Variants in CDYL observed in about 807,000 individuals in gnomAD.
CDYL encodes chromodomain Y like.
A neutral mutation model predicts 47.3 loss-of-function variants in CDYL; 8 were observed. The observed-to-expected ratio is 0.17, with a 90% CI of 0.10 to 0.31. The LOEUF (loss-of-function observed/expected upper bound fraction) is 0.31, where lower values mean the gene tolerates loss of function less well. Among genes scored for constraint, CDYL ranks in the 10% least tolerant of loss-of-function variants. CDYL has a pLI of 1.00. For synonymous variants in CDYL, 266 were observed against 265.0 expected (o/e 1.00, Z -0.04); for missense variants, 471 against 701.4 (o/e 0.67, Z 3.71).
intron 2 of CDYL, among the ~76,000 whole-genome samples, chr6:4,916,846 C>T (rs1561707197): frequency 1.3e-5 from 2 of 152,162 alleles, no homozygotes; most frequent in African/African-American, 2.4e-5. Context: ...TCATGCTGGG[C>T]AGGTACCCCG....
Position 4,755,215 on chromosome 6 carries a change from C to T in CDYL, c.186+20371C>T, listed in dbSNP as rs1013988045. 3.1e-4 allele frequency among the ~76,000 whole-genome samples: 47 copies of T among 150,312 alleles called. 1 individual carries two copies. Among genetic ancestry groups the T allele is most frequent in the African/African-American group, 1.1e-3 (45 of 40,164 alleles). ...AGCTGGGATTACAGGTGCCCGCCAC[C>T]ATGCCCACCTAATTTTTTTTTTTTT... On this transcript the variant is annotated intron_variant, in intron 3 of 8. Transcript: ENST00000328908.
chr6:4,759,923 A>AAAGAAG lies in CDYL; in HGVS notation c.186+25085_186+25090dup, dbSNP rs1444094906. On this transcript the variant is annotated intron_variant, in intron 3 of 8. Transcript: ENST00000328908. ...AAAAAAAAAAAAAAAAAAAAAAAAAAAAGAAGAAGAAAGAAAAGAAAAGAA... is the reference window on the plus strand; with the variant it reads ...AAAAAAAAAAAAAAAAAAAAAAAAAAAAGAAGAAGAAGAAGAAAGAAAAGAAAAGAA... Among the ~76,000 whole-genome samples the AAAGAAG allele has an allele frequency of 1.3e-4, 15 of 118,106 alleles. 2 individuals are homozygous for AAAGAAG. Among genetic ancestry groups the AAAGAAG allele is most frequent in the African/African-American group, 4.8e-4 (13 of 27,336 alleles). 77.5% of individuals were successfully genotyped at this position (118,106 alleles called of 152,430 possible).
chr6:4,719,115 G>C (rs1561821521), intron 2 of CDYL, among the ~76,000 whole-genome samples: 1 of 151,674 alleles, frequency 6.6e-6, no homozygotes, highest in African/African-American at 2.4e-5. Flanking sequence ...AGTAGAGATG[G>C]AGTTTTGCCA....
chr6:4,866,629 G>A (rs1375419180), intron 1 of CDYL, among the ~76,000 whole-genome samples: 1 of 152,072 alleles, frequency 6.6e-6, no homozygotes, highest in Non-Finnish European at 1.5e-5. Context: ...GGAAAAAATG[G>A]TTGTATTATA....
At chr6:4,720,494 A>C (rs1376006708) in intron 2 of CDYL, among the ~76,000 whole-genome samples, 1 of 152,202 alleles carries the variant, frequency 6.6e-6, no homozygotes, top group Non-Finnish European at 1.5e-5. Flanking sequence ...ATATTTGGAA[A>C]ATAATATTAA....
chr6:4,843,287 G>A (rs549826870), intron 1 of CDYL, among the ~76,000 whole-genome samples: 2 of 152,222 alleles, frequency 1.3e-5, no homozygotes, highest in African/African-American at 2.4e-5. Context: ...CCTGATGACA[G>A]CGTGCCTAAG....
intron 1 of CDYL, among the ~76,000 whole-genome samples, chr6:4,777,026 G>GGT (rs915123600): frequency 7.4e-5 from 11 of 149,200 alleles, no homozygotes; most frequent in Non-Finnish European, 1.7e-4. Flanking sequence ...CGTGGGGTGG[G>GGT]GGGGGGGGTC....
At chr6:4,930,284 C>G (rs1230329994) in intron 2 of CDYL, among the ~76,000 whole-genome samples, 6 of 152,218 alleles carry the variant, frequency 3.9e-5, no homozygotes, top group Admixed American at 6.5e-5. Flanking sequence ...ATTGGTTCAG[C>G]AAAGACTCAA....
At chr6:4,824,526 TG>T (rs1759925831) in intron 1 of CDYL, among the ~76,000 whole-genome samples, 1 of 152,256 alleles carries the variant, frequency 6.6e-6, no homozygotes, top group Non-Finnish European at 1.5e-5. Flanking sequence ...ATGTCTTCTT[TG>T]GAGAAATGTC....
intron 1 of CDYL, among the ~76,000 whole-genome samples, chr6:4,788,765 T>C (rs1273431060): frequency 1.3e-5 from 2 of 151,670 alleles, no homozygotes; most frequent in Non-Finnish European, 2.9e-5. Context: ...GTAATTCATA[T>C]CTAGTGTGAC....
chr6:4,938,485 T>C (rs1270182241), intron 4 of CDYL, among the ~76,000 whole-genome samples: 2 of 152,224 alleles, frequency 1.3e-5, no homozygotes, highest in African/African-American at 4.8e-5. Flanking sequence ...TATATACTTA[T>C]AGTGTACAAC....
chr6:4,889,812 A>G (rs1462610849), intron 1 of CDYL, among the ~76,000 whole-genome samples: 1 of 152,154 alleles, frequency 6.6e-6, no homozygotes, highest in Non-Finnish European at 1.5e-5. Context: ...TTCCTTATGT[A>G]TACTCAGTCT....
In CDYL at chr6:4,954,098, AG is replaced by A. The variant is rs1183325729; in HGVS notation, c.*44del. 2 of 1,582,708 alleles carry A rather than the reference AG, an allele frequency of 1.3e-6. No homozygotes were observed. Among genetic ancestry groups the A allele is most frequent in the Non-Finnish European group, 8.6e-7 (1 of 1,160,066 alleles). On this transcript the variant is annotated 3_prime_UTR_variant, in exon 7 of 7. Coordinates refer to ENST00000397588, the MANE Select transcript of CDYL (RefSeq NM_004824.4). Reference sequence around the variant, plus strand: ...TGGTGACACCGGGATCGGGCTGAGCAGGAGAACATCACCGGCTCCAGTTCCC... The same window carrying A: ...TGGTGACACCGGGATCGGGCTGAGCAGAGAACATCACCGGCTCCAGTTCCC...
At chr6:4,843,767 C>T (rs1760573631) in intron 1 of CDYL, among the ~76,000 whole-genome samples, 1 of 151,972 alleles carries the variant, frequency 6.6e-6, no homozygotes, top group African/African-American at 2.4e-5. Flanking sequence ...TGGACTTTAC[C>T]ATTCTCTGGT....
chr6:4,738,847 G>A (rs903817824), intron 3 of CDYL, among the ~76,000 whole-genome samples: 7 of 152,332 alleles, frequency 4.6e-5, no homozygotes, highest in Admixed American at 2.6e-4. Flanking sequence ...AGATTTATAC[G>A]TAGCGACATC....
chr6:4,943,473 A>C lies in CDYL; in HGVS notation c.1122-73A>C, dbSNP rs1002516942. ...TAGCATTTACATCTTGGTAAATTGA[A>C]TTCCATAATAGACTTTTCCTTTGCT... On this transcript the variant is annotated intron_variant, in intron 4 of 6. Coordinates refer to ENST00000397588, the MANE Select transcript of CDYL (RefSeq NM_004824.4). 5 of 1,083,748 alleles carry C rather than the reference A, an allele frequency of 4.6e-6. No homozygotes were observed. The East Asian group carries it at 1.2e-4, about 26-fold the overall frequency. 67.1% of individuals were successfully genotyped at this position (1,083,748 alleles called of 1,614,324 possible).
At chr6:4,952,514 C>T in intron 6 of CDYL, 105 bp downstream of exon 6, 1 of 1,252,658 alleles carries the variant, frequency 8.0e-7, no homozygotes. Context: ...TACGTTTGTC[C>T]TCAACAGAGC....
rs1333803731 is a variant in CDYL, at chr6:4,955,054, T to G, written c.*998T>G. On this transcript the variant is annotated 3_prime_UTR_variant, in exon 7 of 7. Coordinates refer to ENST00000397588, the MANE Select transcript of CDYL (RefSeq NM_004824.4). ...AGTTAAAATTCTTTTGGCACACTATTAAATGCAAAAACTCCTTTCAAAACA... is the reference window on the plus strand; with the variant it reads ...AGTTAAAATTCTTTTGGCACACTATGAAATGCAAAAACTCCTTTCAAAACA... The G allele has an allele frequency of 6.6e-6, 1 of 152,642 alleles. No homozygotes were observed. The highest frequency in any genetic ancestry group is 1.5e-5 in the Non-Finnish European group (1 of 68,040). The allele number at this position is 152,642 out of a possible 1,614,324, so 9.5% of individuals were successfully genotyped here. A position where few individuals can be genotyped will look rare whatever the true frequency, so the allele number is the denominator to read the frequency against.
intron 1 of CDYL, among the ~76,000 whole-genome samples, chr6:4,853,069 A>C (rs890267453): frequency 1.1e-4 from 16 of 152,144 alleles, no homozygotes; most frequent in Admixed American, 2.0e-4. Context: ...GATTATAGGC[A>C]TGAGTCACGG....
Sources: allele counts gnomAD v4.1 joint callset (sites outside exome capture counted in the v4.1 genomes callset), GRCh38; gene constraint gnomAD v4.1.1; transcripts MANE v1.5; gene names NCBI Gene and HGNC (gene_info 2026-07-23, HGNC 2026-07-21).